Variants in RASSF9 observed in about 807,000 individuals in gnomAD.
RASSF9 encodes the protein ras association domain-containing protein 9.
Under a neutral mutation model 21.4 loss-of-function variants are expected in RASSF9, and 18 were observed. The observed-to-expected ratio is 0.84, with a 90% CI of 0.58 to 1.25. The LOEUF (loss-of-function observed/expected upper bound fraction) is 1.25, where lower values mean the gene tolerates loss of function less well. RASSF9 is among the 50% of genes most tolerant of loss of function. The probability of loss-of-function intolerance (pLI) is 0.00; values close to 1 mark genes in which losing one functional copy is unlikely to be tolerated. For synonymous variants in RASSF9, 183 were observed against 179.1 expected (o/e 1.02, Z -0.18); for missense variants, 480 against 503.2 (o/e 0.95, Z 0.44).
chr12:85,822,722 C>T lies in RASSF9; in HGVS notation c.47+13433G>A, dbSNP rs185751734. 2.6e-5 allele frequency among the ~76,000 whole-genome samples: 4 copies of T among 152,218 alleles called. No individual in the cohort carries two copies. The East Asian group carries it at 7.7e-4, about 29-fold the overall frequency. ...TCTAGGACTTTGCTTTATAATTCAC[C>T]CCTTCGTAAACTCTTTTTATCTTCT... is the stretch of plus-strand genomic sequence containing the variant. On this transcript the variant is annotated intron_variant, in intron 1 of 1. Coordinates refer to ENST00000361228, the MANE Select transcript of RASSF9 (RefSeq NM_005447.4).
intron 1 of RASSF9, among the ~76,000 whole-genome samples, chr12:85,825,952 C>T (rs1880324610): frequency 6.6e-6 from 1 of 152,136 alleles, no homozygotes. Flanking sequence ...CCTGACAGCC[C>T]TGACTGGGAA....
At position 85,800,816 on chromosome 12, in the gene RASSF9, A is replaced by C. The variant is rs1405986951; in HGVS notation, c.*3886T>G. 1 of 151,940 alleles carries C rather than the reference A, an allele frequency of 6.6e-6. No homozygotes were observed. Among genetic ancestry groups the C allele is most frequent in the Admixed American group, 6.6e-5 (1 of 15,260 alleles). 9.4% of individuals were successfully genotyped at this position (151,940 alleles called of 1,614,324 possible). A position where few individuals can be genotyped will look rare whatever the true frequency, so the allele number is the denominator to read the frequency against. On this transcript the variant is annotated 3_prime_UTR_variant, in exon 2 of 2. Coordinates refer to ENST00000361228, the MANE Select transcript of RASSF9 (RefSeq NM_005447.4). ...AAACCAATCAGGCAGTATGAAAAGA[A>C]ATAGCCTAGTATTTAAAAACTATAT... is the stretch of plus-strand genomic sequence containing the variant.
At chr12:85,821,755 G>A (rs1352624867) in intron 1 of RASSF9, among the ~76,000 whole-genome samples, 3 of 152,036 alleles carry the variant, frequency 2.0e-5, no homozygotes, top group Non-Finnish European at 4.4e-5. Context: ...CCAGTCATGC[G>A]GGATAAGAAA....
intron 1 of RASSF9, 23 bp downstream of exon 1, chr12:85,836,132 C>T (rs754812474): frequency 6.4e-7 from 1 of 1,551,342 alleles, no homozygotes; most frequent in South Asian, 1.2e-5. Flanking sequence ...CACACACACA[C>T]TTACTCACAC....
intron 1 of RASSF9, among the ~76,000 whole-genome samples, chr12:85,826,061 T>G (rs1207380916): frequency 2.0e-5 from 3 of 152,196 alleles, no homozygotes; most frequent in Non-Finnish European, 4.4e-5. Context: ...GAGAGTGGGT[T>G]GGATGAAAGG....
intron 1 of RASSF9, among the ~76,000 whole-genome samples, chr12:85,824,148 C>T (rs1880277775): frequency 6.6e-6 from 1 of 152,086 alleles, no homozygotes; most frequent in Admixed American, 6.6e-5. Flanking sequence ...TCATAACTTA[C>T]AGACACCTCA....
Position 85,805,731 on chromosome 12 carries a change from T to C in RASSF9, c.279A>G (p.Leu93=), listed in dbSNP as rs1436020151. ...WRGSERVLPP[L]TRILKLWKAW... is the part of the protein sequence containing the mutation. ...CTTTCCAAAGCTTCAGGATTCTAGT[T>C]AGTGGAGGAAGAACCCTTTCGGAGC... The change falls in exon 2 of 2, where the codon CTA becomes CTG. Residue 93 remains leucine, a synonymous_variant. Coordinates refer to ENST00000361228, the MANE Select transcript of RASSF9 (RefSeq NM_005447.4). The C allele has an allele frequency of 6.2e-7, 1 of 1,613,814 alleles. No individual in the cohort carries two copies. Among genetic ancestry groups the C allele is most frequent in the Non-Finnish European group, 8.5e-7 (1 of 1,179,878 alleles).
intron 1 of RASSF9, among the ~76,000 whole-genome samples, chr12:85,809,702 ATGATGATGATG>A (rs1402435694): frequency 6.6e-6 from 1 of 150,834 alleles, no homozygotes; most frequent in Non-Finnish European, 1.5e-5. Context: ...GATGATGATG[ATGATGATGATG>A]TATGTGACAA....
chr12:85,805,823 T>C lies in RASSF9; in HGVS notation c.187A>G (p.Thr63Ala). ...AGAAGAAATCGTTTCTCTCCAAACG[T>C]AGCCTCATGTTCCTCAAGCAAAGCC... is the stretch of plus-strand genomic sequence containing the variant. ...IQALLEEHEATFGEKRFLLGK... is the reference protein window; with the variant it reads ...IQALLEEHEAAFGEKRFLLGK... The change falls in exon 2 of 2, where the codon ACG (threonine) becomes GCG (alanine). Residue 63 changes from threonine to alanine, a missense_variant. Coordinates refer to ENST00000361228, the MANE Select transcript of RASSF9 (RefSeq NM_005447.4). The C allele has an allele frequency of 6.2e-7, 1 of 1,613,936 alleles. No individual in the cohort carries two copies. Among genetic ancestry groups the C allele is most frequent in the Non-Finnish European group, 8.5e-7 (1 of 1,179,886 alleles).
In RASSF9 at chr12:85,804,194, A is replaced by G. The variant is rs547236652; in HGVS notation, c.*508T>C. On this transcript the variant is annotated 3_prime_UTR_variant, in exon 2 of 2. Coordinates refer to ENST00000361228, the MANE Select transcript of RASSF9 (RefSeq NM_005447.4). ...GGGTTCAGGAAGTGATATACATGAT[A>G]CGTTGTATTATCAAGGATCAATTAA... 14 of 153,418 alleles carry G rather than the reference A, an allele frequency of 9.1e-5. No individual in the cohort carries two copies. The South Asian group carries it at 2.5e-3, about 27-fold the overall frequency. The allele number at this position is 153,418 out of a possible 1,614,324, so 9.5% of individuals were successfully genotyped here. A position where few individuals can be genotyped will look rare whatever the true frequency, so the allele number is the denominator to read the frequency against.
chr12:85,819,797 CAAT>C (rs1459766323), intron 1 of RASSF9, among the ~76,000 whole-genome samples: 1 of 152,074 alleles, frequency 6.6e-6, no homozygotes, highest in Non-Finnish European at 1.5e-5. Flanking sequence ...AAGAAGACAA[CAAT>C]AATGTGGTTA....
chr12:85,808,100 A>C (rs946860735), intron 1 of RASSF9, among the ~76,000 whole-genome samples: 1 of 152,156 alleles, frequency 6.6e-6, no homozygotes, highest in Non-Finnish European at 1.5e-5. Context: ...TAACATTTAG[A>C]ATTTATAGTG....
At chr12:85,810,709 T>C (rs1263618217) in intron 1 of RASSF9, among the ~76,000 whole-genome samples, 2 of 151,866 alleles carry the variant, frequency 1.3e-5, no homozygotes. Context: ...AGAAATAATA[T>C]CTACAAACGC....
chr12:85,807,612 T>C (rs557730141), intron 1 of RASSF9, among the ~76,000 whole-genome samples: 1 of 152,006 alleles, frequency 6.6e-6, no homozygotes, highest in Non-Finnish European at 1.5e-5. Flanking sequence ...GGGATATAGA[T>C]GATTAGACAG....
rs564927799 is a variant in RASSF9, at chr12:85,821,909, T to A, written c.47+14246A>T. On this transcript the variant is annotated intron_variant, in intron 1 of 1. Coordinates refer to ENST00000361228, the MANE Select transcript of RASSF9 (RefSeq NM_005447.4). Reference sequence around the variant, plus strand: ...AGCTCATAGTTCAGATTCCGGAAATTGATTATAGTCCAAATGTAAATATTT... The same window carrying A: ...AGCTCATAGTTCAGATTCCGGAAATAGATTATAGTCCAAATGTAAATATTT... 4.6e-5 allele frequency among the ~76,000 whole-genome samples: 7 copies of A among 152,274 alleles called. No homozygotes were observed. The South Asian group carries it at 1.4e-3, about 32-fold the overall frequency.
intron 1 of RASSF9, among the ~76,000 whole-genome samples, chr12:85,826,177 A>C (rs1171863401): frequency 1.3e-5 from 2 of 151,856 alleles, no homozygotes; most frequent in Admixed American, 1.3e-4. Context: ...TTCACTCTTC[A>C]CCCTGATGTT....
At chr12:85,824,076 G>A (rs966513526) in intron 1 of RASSF9, among the ~76,000 whole-genome samples, 2 of 152,024 alleles carry the variant, frequency 1.3e-5, no homozygotes, top group African/African-American at 4.8e-5. Context: ...TAACTATTAC[G>A]ACCTTGAGCT....
chr12:85,813,944 A>G, intron 1 of RASSF9, among the ~76,000 whole-genome samples: 1 of 152,048 alleles, frequency 6.6e-6, no homozygotes, highest in East Asian at 1.9e-4. Flanking sequence ...AAAGTATAAT[A>G]CTAACACAAT....
intron 1 of RASSF9, among the ~76,000 whole-genome samples, chr12:85,827,306 C>A (rs1880354291): frequency 6.6e-6 from 1 of 152,110 alleles, no homozygotes; most frequent in African/African-American, 2.4e-5. Context: ...AATTTAAGTT[C>A]TCTTTCTAAA....
Sources: allele counts gnomAD v4.1 joint callset (sites outside exome capture counted in the v4.1 genomes callset), GRCh38; gene constraint gnomAD v4.1.1; transcripts MANE v1.5; gene names NCBI Gene and HGNC (gene_info 2026-07-23, HGNC 2026-07-21).